KDM4B: variants seen among roughly 807,000 people sequenced by gnomAD.
KDM4B encodes the protein lysine-specific demethylase 4B.
Under a neutral mutation model 125.2 loss-of-function variants are expected in KDM4B, and 32 were observed. That is an observed-to-expected ratio of 0.26 (90% CI 0.19 to 0.34). KDM4B has a LOEUF of 0.34. Ranked by LOEUF, KDM4B falls within the 10% of genes least tolerant of loss-of-function variation. The probability of loss-of-function intolerance (pLI) is 1.00; values close to 1 mark genes in which losing one functional copy is unlikely to be tolerated. For synonymous variants in KDM4B, 721 were observed against 677.9 expected (o/e 1.06, Z -0.99); for missense variants, 1,190 against 1,577.7 (o/e 0.75, Z 4.16).
At chr19:5,057,349 C>T (rs924775992) in intron 6 of KDM4B, among the ~76,000 whole-genome samples, 9 of 152,216 alleles carry the variant, frequency 5.9e-5, no homozygotes, top group South Asian at 4.1e-4. Flanking sequence ...AAGATTCATC[C>T]GGTTGTGTGT....
intron 9 of KDM4B, 46 bp from the exon 10 acceptor site, chr19:5,110,575 GC>G: frequency 6.2e-7 from 1 of 1,600,394 alleles, no homozygotes; most frequent in Non-Finnish European, 8.5e-7. Context: ...TGTGGAGCCA[GC>G]CGTCCAGGTG....
chr19:5,123,361 C>A (rs997106090), intron 11 of KDM4B, among the ~76,000 whole-genome samples: 2 of 152,240 alleles, frequency 1.3e-5, no homozygotes, highest in African/African-American at 2.4e-5. Flanking sequence ...CTCTCCCAGG[C>A]CCCTTTCCTG....
In KDM4B at chr19:4,969,145, G is replaced by C. The variant is rs996164854; in HGVS notation, c.-194G>C. 6.6e-6 allele frequency: 1 copy of C among 150,786 alleles called. No individual in the cohort carries two copies. Among genetic ancestry groups the C allele is most frequent in the Middle Eastern group, 3.2e-3 (1 of 312 alleles). The allele number at this position is 150,786 out of a possible 1,614,324, so 9.3% of individuals were successfully genotyped here. A position where few individuals can be genotyped will look rare whatever the true frequency, so the allele number is the denominator to read the frequency against. ...GGTCGCCAGCAACCGAGCGGGGCCC[G>C]GCCCGAGCGGGGCCTGGGGGTGCGA... On this transcript the variant is annotated 5_prime_UTR_variant, in exon 1 of 23. Coordinates refer to ENST00000159111, the MANE Select transcript of KDM4B (RefSeq NM_015015.3).
chr19:4,971,375 C>G lies in KDM4B; in HGVS notation c.-109+2145C>G, dbSNP rs2034252935. Among the ~76,000 whole-genome samples, 1 of 152,150 alleles carries G rather than the reference C, an allele frequency of 6.6e-6. No homozygotes were observed. The highest frequency in any genetic ancestry group is 1.5e-5 in the Non-Finnish European group (1 of 68,032). ...GGGGCCGTCCTCTGTGTCCTTCTCT[C>G]CCACCTGACCACTCTGCCTGTACTT... On this transcript the variant is annotated intron_variant, in intron 1 of 22. Transcript: ENST00000159111. The surrounding 1 kb of genome is among the most constrained non-coding windows in gnomAD (Gnocchi z 4.1).
chr19:5,108,485 T>TG lies in KDM4B; in HGVS notation c.919-2131dup, dbSNP rs762763114. ...ATGGCCCCCCTGGGACTGGGTAAGGTGGGGGGAGGCACGAGCTGCAGGAAA... is the reference window on the plus strand; with the variant it reads ...ATGGCCCCCCTGGGACTGGGTAAGGTGGGGGGGAGGCACGAGCTGCAGGAAA... On this transcript the variant is annotated intron_variant, in intron 9 of 22. Transcript: ENST00000159111. Among the ~76,000 whole-genome samples the TG allele has an allele frequency of 1.6e-4, 24 of 152,040 alleles. No individual in the cohort carries two copies. In the South Asian group the frequency reaches 3.5e-3, roughly 22 times the overall value.
At chr19:5,139,656 C>A (rs1384887508) in intron 18 of KDM4B, among the ~76,000 whole-genome samples, 1 of 152,244 alleles carries the variant, frequency 6.6e-6, no homozygotes, top group Non-Finnish European at 1.5e-5. Flanking sequence ...GATTTGTGTT[C>A]TCCTGGCGGT....
chr19:5,146,939 CAAAAAAAAAAAAA>C (rs1182135277), intron 21 of KDM4B, among the ~76,000 whole-genome samples: 4 of 60,556 alleles, frequency 6.6e-5, no homozygotes, highest in Non-Finnish European at 8.5e-5. Context: ...ACCCTGTCTC[CAAAAAAAAAAAAA>C]AAAAAAAAAA....
At chr19:5,029,639 C>G (rs936770820) in intron 2 of KDM4B, among the ~76,000 whole-genome samples, 5 of 152,170 alleles carry the variant, frequency 3.3e-5, no homozygotes, top group African/African-American at 1.2e-4. Context: ...GCAGCCAGGG[C>G]AACATGGCAA....
intron 1 of KDM4B, among the ~76,000 whole-genome samples, chr19:4,991,641 G>A (rs2035034826): frequency 6.6e-6 from 1 of 152,174 alleles, no homozygotes; most frequent in African/African-American, 2.4e-5. Flanking sequence ...TGTTAGCACT[G>A]GCTCATTCTT....
intron 1 of KDM4B, among the ~76,000 whole-genome samples, chr19:5,002,433 A>C (rs4995813): frequency 0.019 from 2,263 of 120,270 alleles, 40 homozygotes; most frequent in South Asian, 0.091. Context: ...CTTTCTCTCT[A>C]CTTTCTCTCC....
chr19:5,132,754 A>C (rs1717283017), intron 13 of KDM4B, among the ~76,000 whole-genome samples: 1 of 152,078 alleles, frequency 6.6e-6, no homozygotes, highest in African/African-American at 2.4e-5. Context: ...CCCTTTGGTG[A>C]GACCGGAGCA....
chr19:5,006,772 CAAAA>C (rs537946416), intron 1 of KDM4B, among the ~76,000 whole-genome samples: 16 of 127,518 alleles, frequency 1.3e-4, no homozygotes, highest in African/African-American at 4.1e-4. Context: ...AACTCCATCT[CAAAA>C]AAAAAAAAAA....
intron 1 of KDM4B, among the ~76,000 whole-genome samples, chr19:4,990,684 G>A (rs774809338): frequency 6.6e-6 from 1 of 152,154 alleles, no homozygotes; most frequent in Non-Finnish European, 1.5e-5. Flanking sequence ...TCGCCTCTCC[G>A]GCCTTTGTTT....
At chr19:5,041,852 G>A (rs2036829704) in intron 5 of KDM4B, among the ~76,000 whole-genome samples, 2 of 152,276 alleles carry the variant, frequency 1.3e-5, no homozygotes, top group South Asian at 4.1e-4. Context: ...ACAGCAGCAG[G>A]AAGCTGTGAC....
chr19:5,131,152 A>G lies in KDM4B; in HGVS notation c.1392A>G (p.Pro464=). 1 of 1,555,442 alleles carries G rather than the reference A, an allele frequency of 6.4e-7. No individual in the cohort carries two copies. Among genetic ancestry groups the G allele is most frequent in the Non-Finnish European group, 8.7e-7 (1 of 1,150,626 alleles). ...RKKKSFGLLP[P]QLPPPPAHFP... Reference sequence around the variant, plus strand: ...AGAAGAGCTTCGGCCTGCTGCCCCCACAGCTGCCGCCCCCGCCTGCTCACT... The same window carrying G: ...AGAAGAGCTTCGGCCTGCTGCCCCCGCAGCTGCCGCCCCCGCCTGCTCACT... The change falls in exon 12 of 23, where the codon CCA becomes CCG. Residue 464 remains proline, a synonymous_variant. Transcript: ENST00000159111.
At position 5,035,888 on chromosome 19, in the gene KDM4B, C is replaced by CGCGT. The variant is rs1555696855; in HGVS notation, c.141+2860_141+2861insTGCG. On this transcript the variant is annotated intron_variant, in intron 3 of 22. Transcript: ENST00000159111. The surrounding 1 kb of genome is among the most constrained non-coding windows in gnomAD (Gnocchi z 5.3). ...CTGTGTGTGTGTGTGTGTGCGCGCG[C>CGCGT]GCGCGCGCCTGCGCGCACAGGAGAC... is the stretch of plus-strand genomic sequence containing the variant. Among the ~76,000 whole-genome samples, 9 of 95,538 alleles carry CGCGT rather than the reference C, an allele frequency of 9.4e-5. No individual in the cohort carries two copies. Among genetic ancestry groups the CGCGT allele is most frequent in the African/African-American group, 2.9e-4 (8 of 27,500 alleles). 62.7% of individuals were successfully genotyped at this position (95,538 alleles called of 152,430 possible). A position where few individuals can be genotyped will look rare whatever the true frequency, so the allele number is the denominator to read the frequency against.
chr19:5,066,584 C>G (rs1375842922), intron 6 of KDM4B, among the ~76,000 whole-genome samples: 1 of 152,244 alleles, frequency 6.6e-6, no homozygotes, highest in Non-Finnish European at 1.5e-5. Flanking sequence ...TTTTCTCACC[C>G]ACGCTGCTTT....
chr19:5,050,992 G>A (rs1384727567), intron 6 of KDM4B, among the ~76,000 whole-genome samples: 2 of 152,182 alleles, frequency 1.3e-5, no homozygotes, highest in Non-Finnish European at 2.9e-5. Flanking sequence ...CCGGTCCTGC[G>A]GCTGTTCCCC....
chr19:5,059,634 G>A (rs529913074), intron 6 of KDM4B, among the ~76,000 whole-genome samples: 3 of 152,276 alleles, frequency 2.0e-5, no homozygotes, highest in South Asian at 4.1e-4. Flanking sequence ...TTCAACTCCC[G>A]TGCTCTCCAA....
Sources: allele counts gnomAD v4.1 joint callset (sites outside exome capture counted in the v4.1 genomes callset), GRCh38; gene constraint gnomAD v4.1.1; non-coding constraint Gnocchi (gnomAD v3.1); transcripts MANE v1.5; gene names NCBI Gene and HGNC (gene_info 2026-07-23, HGNC 2026-07-21).